Variants in PPP4R2 observed in about 807,000 individuals in gnomAD.
PPP4R2 encodes protein phosphatase 4 regulatory subunit 2.
A neutral mutation model predicts 47.2 loss-of-function variants in PPP4R2; 13 were observed. That is an observed-to-expected ratio of 0.28 (90% confidence interval 0.18 to 0.44). The LOEUF (loss-of-function observed/expected upper bound fraction) is 0.44. Ranked by LOEUF, PPP4R2 falls within the 20% of genes least tolerant of loss-of-function variation. The pLI is 1.00. For synonymous variants in PPP4R2, 151 were observed against 163.3 expected (o/e 0.92, Z 0.57); for missense variants, 421 against 491.2 (o/e 0.86, Z 1.35).
chr3:73,014,772 A>G (rs1701789192), intron 2 of PPP4R2: 1 of 401,864 alleles, frequency 2.5e-6, no homozygotes, highest in Non-Finnish European at 4.4e-6. Context: ...CTAGACTAAA[A>G]AAATTGCCTG....
chr3:73,063,260 G>A (rs1008013054), intron 5 of PPP4R2: 1 of 292,624 alleles, frequency 3.4e-6, no homozygotes, highest in African/African-American at 2.3e-5. Flanking sequence ...CTTGAGGGGG[G>A]AGTGTTGGGT....
At chr3:73,017,546 G>C (rs569106965) in intron 2 of PPP4R2, among the ~76,000 whole-genome samples, 4 of 152,014 alleles carry the variant, frequency 2.6e-5, no homozygotes, top group African/African-American at 9.7e-5. Flanking sequence ...GATATATTGA[G>C]TCTAGAAAGA....
intron 2 of PPP4R2, among the ~76,000 whole-genome samples, chr3:73,002,634 CTTTTTTTTTTTTTTTT>C (rs1173734970): frequency 2.4e-5 from 1 of 41,166 alleles, no homozygotes; most frequent in Non-Finnish European, 4.3e-5. Flanking sequence ...CTTTTCTTTT[CTTTTTTTTTTTTTTTT>C]TTTTTTTTTG....
At chr3:73,043,423 T>A (rs1423323581) in intron 2 of PPP4R2, among the ~76,000 whole-genome samples, 4 of 152,222 alleles carry the variant, frequency 2.6e-5, no homozygotes, top group African/African-American at 9.6e-5. Flanking sequence ...TTTTTAAAAG[T>A]AATAGCATAC....
chr3:73,064,646 A>G (rs1188158686), intron 7 of PPP4R2, among the ~76,000 whole-genome samples: 2 of 152,216 alleles, frequency 1.3e-5, no homozygotes, highest in African/African-American at 4.8e-5. Flanking sequence ...GAAAGGTCAT[A>G]TAGCTTTTCT....
intron 2 of PPP4R2, among the ~76,000 whole-genome samples, chr3:73,026,653 C>T (rs1464330109): frequency 1.3e-5 from 2 of 151,962 alleles, no homozygotes; most frequent in South Asian, 2.1e-4. Context: ...TTGAATGTGA[C>T]CCAACACAAA....
At chr3:73,017,575 G>A (rs1021929719) in intron 2 of PPP4R2, among the ~76,000 whole-genome samples, 2 of 152,108 alleles carry the variant, frequency 1.3e-5, no homozygotes, top group African/African-American at 4.8e-5. Context: ...GAAAGAGATT[G>A]GTTATTTCTG....
chr3:73,002,064 A>G (rs1701475637), intron 2 of PPP4R2, among the ~76,000 whole-genome samples: 1 of 152,088 alleles, frequency 6.6e-6, no homozygotes, highest in South Asian at 2.1e-4. Flanking sequence ...TGTGAGATCC[A>G]CTGTTGTAGC....
At chr3:73,062,919 T>C (rs776392691) in intron 5 of PPP4R2, 1 of 1,594,546 alleles carries the variant, frequency 6.3e-7, no homozygotes, top group South Asian at 1.1e-5. Context: ...AAAGCACAGA[T>C]GACAACCTAT....
intron 3 of PPP4R2, among the ~76,000 whole-genome samples, chr3:73,054,859 A>G (rs967561755): frequency 1.4e-4 from 22 of 152,148 alleles, no homozygotes; most frequent in Non-Finnish European, 3.1e-4. Flanking sequence ...TTAAGACATT[A>G]TTTCTTTAGT....
At chr3:73,056,207 T>C (rs1702728956) in intron 3 of PPP4R2, among the ~76,000 whole-genome samples, 4 of 152,238 alleles carry the variant, frequency 2.6e-5, no homozygotes, top group Admixed American at 2.6e-4. Context: ...TTGTGCCTCC[T>C]TTTAGAGGCC....
In PPP4R2 at chr3:73,067,442, T is replaced by C. The variant is rs1703021986; in HGVS notation, c.*1720T>C. Reference sequence around the variant, plus strand: ...ATAATATACTACTGACTGACTTGACTGTCAGGTTCACAACAGCTAGATGAT... The same window carrying C: ...ATAATATACTACTGACTGACTTGACCGTCAGGTTCACAACAGCTAGATGAT... On this transcript the variant is annotated 3_prime_UTR_variant, in exon 9 of 9. Transcript: ENST00000356692. 1 of 152,158 alleles carries C rather than the reference T, an allele frequency of 6.6e-6. No homozygotes were observed. Among genetic ancestry groups the C allele is most frequent in the Admixed American group, 6.5e-5 (1 of 15,270 alleles). The allele number at this position is 152,158 out of a possible 1,614,324, so 9.4% of individuals were successfully genotyped here. A position where few individuals can be genotyped will look rare whatever the true frequency, so the allele number is the denominator to read the frequency against.
intron 2 of PPP4R2, among the ~76,000 whole-genome samples, chr3:73,038,326 AGTCTAT>A (rs1375755358): frequency 1.3e-5 from 2 of 152,046 alleles, no homozygotes; most frequent in African/African-American, 4.8e-5. Context: ...AGAAGGGAGG[AGTCTAT>A]GTTGGTATAG....
chr3:73,065,559 G>T lies in PPP4R2; in HGVS notation c.1091G>T (p.Ser364Ile), dbSNP rs753227849. The T allele has an allele frequency of 1.2e-6, 2 of 1,613,034 alleles. No individual in the cohort carries two copies. Among genetic ancestry groups the T allele is most frequent in the Admixed American group, 1.7e-5 (1 of 59,994 alleles). The change falls in exon 9 of 9, where the codon AGT becomes ATT. Residue 364 changes from serine (S) to isoleucine (I), a missense_variant. Transcript: ENST00000356692. ...AAAGATTTGCTACATTCTGAAGGTA[G>T]TGAAAACGAAGGCCCTGTAAGTAGT... ...AEKDLLHSEG[S>I]ENEGPVSSSS...
chr3:73,009,975 T>G (rs1051559496), intron 2 of PPP4R2, among the ~76,000 whole-genome samples: 44 of 152,214 alleles, frequency 2.9e-4, no homozygotes, highest in African/African-American at 1.0e-3. Context: ...TGTGTGGAAA[T>G]CTACATGTAA....
intron 2 of PPP4R2, among the ~76,000 whole-genome samples, chr3:73,044,513 G>C (rs1159035067): frequency 1.3e-5 from 2 of 152,138 alleles, no homozygotes; most frequent in African/African-American, 4.8e-5. Flanking sequence ...TTGAACCCAG[G>C]AGGCAGAGGT....
At chr3:73,024,759 TG>T (rs1264723766) in intron 2 of PPP4R2, among the ~76,000 whole-genome samples, 2 of 152,186 alleles carry the variant, frequency 1.3e-5, no homozygotes, top group Admixed American at 1.3e-4. Flanking sequence ...AAATAATACT[TG>T]GCTTTTTGAA....
intron 2 of PPP4R2, among the ~76,000 whole-genome samples, chr3:73,022,143 C>G (rs1252472560): frequency 6.6e-6 from 1 of 151,990 alleles, no homozygotes; most frequent in East Asian, 1.9e-4. Context: ...GTGGTTTGCT[C>G]TCCTTGGCCT....
chr3:73,033,881 C>T (rs953932568), intron 2 of PPP4R2, among the ~76,000 whole-genome samples: 2 of 152,144 alleles, frequency 1.3e-5, no homozygotes, highest in Non-Finnish European at 2.9e-5. Flanking sequence ...TGTTGGTGTG[C>T]GAGTGTCTAA....
Sources: gnomAD v4.1 joint callset for allele counts (sites outside exome capture counted in the v4.1 genomes callset) on GRCh38, gnomAD v4.1.1 for gene constraint, MANE v1.5 for transcripts, NCBI Gene and HGNC (gene_info 2026-07-23, HGNC 2026-07-21) for gene names.